The following MMD variants were observed in gnomAD, a reference collection of about 807,000 sequenced individuals.
The protein encoded by MMD is monocyte to macrophage differentiation associated, also known as monocyte to macrophage differentiation factor.
Under a neutral mutation model 33.6 loss-of-function variants are expected in MMD, and 22 were observed. The ratio of observed to expected loss-of-function variants is 0.66; its 90% CI spans 0.47 to 0.94. The LOEUF is 0.94. Among genes scored for constraint, MMD ranks in the 40% least tolerant of loss-of-function variants. MMD has a pLI of 0.00. For missense variants in MMD, 242 were observed against 309.8 expected (o/e 0.78, Z 1.64); for synonymous variants, 97 against 103.2 (o/e 0.94, Z 0.36).
At chr17:55,396,213 A>G (rs2143114801) in intron 6 of MMD, among the ~76,000 whole-genome samples, 1 of 152,284 alleles carries the variant, frequency 6.6e-6, no homozygotes, top group Admixed American at 6.5e-5. Context: ...CATTATCATT[A>G]TCATTATTGT....
chr17:55,403,714 A>G, intron 5 of MMD, 53 bp downstream of exon 5: 2 of 1,327,406 alleles, frequency 1.5e-6, no homozygotes, highest in South Asian at 2.5e-5. Context: ...CAGTGCAGAT[A>G]ATATTTAGGC....
intron 1 of MMD, among the ~76,000 whole-genome samples, chr17:55,415,601 C>T (rs1200148282): frequency 6.6e-6 from 1 of 152,190 alleles, no homozygotes; most frequent in African/African-American, 2.4e-5. Flanking sequence ...CCAGCCAATA[C>T]TCTTTCCCTG....
intron 6 of MMD, among the ~76,000 whole-genome samples, 156 bp from the exon 7 acceptor site, chr17:55,394,690 A>C (rs1026313497): frequency 2.0e-5 from 3 of 152,224 alleles, no homozygotes; most frequent in African/African-American, 7.2e-5. Flanking sequence ...AAACATAAAA[A>C]AAGTCTCTTA....
intron 1 of MMD, among the ~76,000 whole-genome samples, chr17:55,417,295 C>G (rs1293369599): frequency 6.6e-6 from 1 of 152,154 alleles, no homozygotes; most frequent in African/African-American, 2.4e-5. Context: ...GCCTGGCCAA[C>G]ATAGAGAAAC....
intron 6 of MMD, 40 bp from the exon 7 acceptor site, chr17:55,394,574 A>G: frequency 7.3e-7 from 1 of 1,369,020 alleles, no homozygotes; most frequent in Non-Finnish European, 9.5e-7. Context: ...GTTTGATGTT[A>G]CTCTGCATGG....
At chr17:55,395,205 A>C (rs1314069777) in intron 6 of MMD, among the ~76,000 whole-genome samples, 1 of 152,228 alleles carries the variant, frequency 6.6e-6, no homozygotes, top group Non-Finnish European at 1.5e-5. Flanking sequence ...GTCTTAGGGC[A>C]GAAGGGAGAA....
rs1487563995 is a variant in MMD, at chr17:55,394,517, A to G, written c.534T>C (p.Leu178=). 1.3e-6 allele frequency: 2 copies of G among 1,520,282 alleles called. No individual in the cohort carries two copies. Among genetic ancestry groups the G allele is most frequent in the Non-Finnish European group, 1.8e-6 (2 of 1,139,424 alleles). 94.2% of individuals were successfully genotyped at this position (1,520,282 alleles called of 1,614,324 possible). Reference sequence around the variant, plus strand: ...TTAAGCCCCCACAGGCAAGTTCCTGAAGTCCATCGGTGTTGTTCTGTCAAC... The same window carrying G: ...TTAAGCCCCCACAGGCAAGTTCCTGGAGTCCATCGGTGTTGTTCTGTCAAC... ...VVTSMNNTDG[L]QELACGGLIY... is the part of the protein sequence containing the mutation. The change falls in exon 7 of 7, where the codon CTT becomes CTC. Residue 178 remains leucine (L), a synonymous_variant. Transcript: ENST00000262065.
At position 55,414,135 on chromosome 17, in the gene MMD, G is replaced by A. The variant is rs759921334; in HGVS notation, c.108+16C>T. 2 of 1,613,070 alleles carry A rather than the reference G, an allele frequency of 1.2e-6. No homozygotes were observed. Among genetic ancestry groups the A allele is most frequent in the Non-Finnish European group, 1.7e-6 (2 of 1,179,166 alleles). On this transcript the variant is annotated intron_variant, in intron 2 of 6. Coordinates refer to ENST00000262065, the MANE Select transcript of MMD (RefSeq NM_012329.3). ...CCCCGTGGAAAGGATGGCAATGGTG[G>A]AAAACTTGTACTCACTGCGTGTGTG...
chr17:55,419,754 G>A (rs1030392493), intron 1 of MMD, among the ~76,000 whole-genome samples: 5 of 152,134 alleles, frequency 3.3e-5, no homozygotes, highest in Non-Finnish European at 5.9e-5. Context: ...AAGAAATTAT[G>A]AGATCACACA....
chr17:55,414,115 T>C (rs1907869277), intron 2 of MMD, 36 bp downstream of exon 2: 18 of 1,592,960 alleles, frequency 1.1e-5, no homozygotes, highest in Non-Finnish European at 1.6e-5. Flanking sequence ...CAAAGCCCCG[T>C]GGAAAGGATG....
At chr17:55,416,310 T>C (rs1907966225) in intron 1 of MMD, among the ~76,000 whole-genome samples, 2 of 152,268 alleles carry the variant, frequency 1.3e-5, no homozygotes, top group South Asian at 4.1e-4. Context: ...TTTCACATTT[T>C]CTCCTAAAAA....
intron 6 of MMD, among the ~76,000 whole-genome samples, chr17:55,397,727 A>T (rs984005623): frequency 6.6e-6 from 1 of 151,840 alleles, no homozygotes; most frequent in Non-Finnish European, 1.5e-5. Flanking sequence ...TTTTTAGTAG[A>T]GACAGGGTTT....
chr17:55,402,916 T>C (rs944257477), intron 5 of MMD, among the ~76,000 whole-genome samples: 11 of 152,228 alleles, frequency 7.2e-5, no homozygotes, highest in Admixed American at 2.0e-4. Flanking sequence ...AATTTAGTAT[T>C]TTCTGATAAA....
chr17:55,404,279 C>T (rs895162491), intron 4 of MMD, among the ~76,000 whole-genome samples: 8 of 151,906 alleles, frequency 5.3e-5, no homozygotes, highest in East Asian at 1.9e-4. Flanking sequence ...TGCTTGAGCC[C>T]GGGAGGCAGA....
chr17:55,395,052 C>T (rs528383710), intron 6 of MMD, among the ~76,000 whole-genome samples: 2 of 152,348 alleles, frequency 1.3e-5, no homozygotes, highest in Admixed American at 6.5e-5. Context: ...AAGGCTGACA[C>T]AGGAAAACCG....
At chr17:55,420,827 A>G (rs1056906656) in intron 1 of MMD, among the ~76,000 whole-genome samples, 1 of 152,204 alleles carries the variant, frequency 6.6e-6, no homozygotes, top group African/African-American at 2.4e-5. Flanking sequence ...TCTCAGAGTC[A>G]TGGGCTAACC....
chr17:55,395,952 C>A (rs1039992081), intron 6 of MMD, among the ~76,000 whole-genome samples: 1 of 152,212 alleles, frequency 6.6e-6, no homozygotes. Context: ...TCTAACACAA[C>A]CCCCTTATTG....
intron 3 of MMD, among the ~76,000 whole-genome samples, chr17:55,409,383 T>C (rs551205937): frequency 1.4e-4 from 22 of 152,308 alleles, no homozygotes; most frequent in African/African-American, 4.3e-4. Context: ...TCTAATTCTG[T>C]TTTCTAGATT....
intron 2 of MMD, among the ~76,000 whole-genome samples, chr17:55,411,856 C>T (rs1907777918): frequency 6.6e-6 from 1 of 152,104 alleles, no homozygotes; most frequent in Non-Finnish European, 1.5e-5. Flanking sequence ...GCAGGAGAAT[C>T]GCTTGAGCCC....
Sources: gnomAD v4.1 joint callset for allele counts (sites outside exome capture counted in the v4.1 genomes callset) on GRCh38, gnomAD v4.1.1 for gene constraint, MANE v1.5 for transcripts, NCBI Gene and HGNC (gene_info 2026-07-23, HGNC 2026-07-21) for gene names.